Variants in CCDC50 observed in about 807,000 individuals in gnomAD.
The protein encoded by CCDC50 is coiled-coil domain containing 50.
CCDC50 carries 54 observed loss-of-function variants against 70.2 expected under a neutral mutation model. That is an observed-to-expected ratio of 0.77 (90% CI 0.62 to 0.96). CCDC50 has a LOEUF of 0.96. CCDC50 is among the 50% of genes least tolerant of loss of function. CCDC50 has a pLI of 0.00. For missense variants in CCDC50, 558 were observed against 578.7 expected (o/e 0.96, Z 0.37); for synonymous variants, 216 against 198.8 (o/e 1.09, Z -0.73).
At chr3:191,357,721 G>A (rs576902146) in intron 2 of CCDC50, among the ~76,000 whole-genome samples, 3 of 152,286 alleles carry the variant, frequency 2.0e-5, no homozygotes, top group African/African-American at 7.2e-5. Flanking sequence ...AAGAGCATTG[G>A]CCCTGGCTTT....
chr3:191,378,900 T>G (rs578178901), intron 6 of CCDC50, among the ~76,000 whole-genome samples: 14 of 152,242 alleles, frequency 9.2e-5, no homozygotes, highest in Admixed American at 3.9e-4. Flanking sequence ...CTAGTCTGTC[T>G]TTGTAGGAAA....
intron 2 of CCDC50, 145 bp from the exon 3 acceptor site, chr3:191,357,853 C>T (rs1369137062): frequency 6.9e-6 from 7 of 1,013,396 alleles, no homozygotes; most frequent in Non-Finnish European, 1.1e-5. Context: ...ATTCCTTGCT[C>T]TTTATTATAT....
chr3:191,369,362 A>T (rs1368854741), intron 4 of CCDC50, among the ~76,000 whole-genome samples: 4 of 152,060 alleles, frequency 2.6e-5, no homozygotes, highest in Admixed American at 1.3e-4. Context: ...ACATTACGGA[A>T]TGTTATTCAT....
chr3:191,358,808 T>G (rs1440172704), intron 3 of CCDC50, among the ~76,000 whole-genome samples: 2 of 152,192 alleles, frequency 1.3e-5, no homozygotes, highest in African/African-American at 4.8e-5. Flanking sequence ...GTGGGTAGAT[T>G]TAACCACAGA....
chr3:191,346,779 G>A lies in CCDC50; in HGVS notation c.50-10309G>A, dbSNP rs182347271. Among the ~76,000 whole-genome samples, 7 of 152,306 alleles carry A rather than the reference G, an allele frequency of 4.6e-5. No individual in the cohort carries two copies. In the South Asian group the frequency reaches 1.4e-3, roughly 32 times the overall value. On this transcript the variant is annotated intron_variant, in intron 1 of 11. Transcript: ENST00000392455. ...TGTTTTAAAATAAAGGGAGTTTCCG[G>A]TGGCTGAAACATTTAAAAGGAGTCC... is the stretch of plus-strand genomic sequence containing the variant.
At chr3:191,347,817 A>G (rs2108641679) in intron 1 of CCDC50, among the ~76,000 whole-genome samples, 1 of 142,312 alleles carries the variant, frequency 7.0e-6, no homozygotes, top group Middle Eastern at 3.6e-3. Flanking sequence ...AAGCTGGAGG[A>G]TGTGGATGAA....
chr3:191,363,313 C>T (rs1712561660), intron 4 of CCDC50, among the ~76,000 whole-genome samples: 3 of 152,162 alleles, frequency 2.0e-5, no homozygotes, highest in South Asian at 4.1e-4. Flanking sequence ...ATTCAGGTCT[C>T]CTGACTGCTT....
rs566395064 is a variant in CCDC50 at position 191,395,444 on chromosome 3, A to T, written c.*3684A>T. On this transcript the variant is annotated 3_prime_UTR_variant, in exon 12 of 12. Coordinates refer to ENST00000392455, the MANE Select transcript of CCDC50 (RefSeq NM_178335.3). ...AAGTGGTTAACATTTTAAGTCCTAGATTTTTTATGTCTTGCCTTTGTATAA... is the reference window on the plus strand; with the variant it reads ...AAGTGGTTAACATTTTAAGTCCTAGTTTTTTTATGTCTTGCCTTTGTATAA... 1.3e-5 allele frequency: 2 copies of T among 152,142 alleles called. No homozygotes were observed. Among genetic ancestry groups the T allele is most frequent in the African/African-American group, 4.8e-5 (2 of 41,444 alleles). The allele number at this position is 152,142 out of a possible 1,614,324, so 9.4% of individuals were successfully genotyped here.
rs867868289 is a variant in CCDC50, at chr3:191,393,604, C to T, written c.*1844C>T. The T allele has an allele frequency of 5.9e-5, 9 of 152,124 alleles. No individual in the cohort carries two copies. In the South Asian group the frequency reaches 1.9e-3, roughly 32 times the overall value. The allele number at this position is 152,124 out of a possible 1,614,324, so 9.4% of individuals were successfully genotyped here. The stretch of plus-strand genomic sequence containing the variant: ...GTTAATCAGAAAGATAATCTACATC[C>T]CTACTTTATGTAGTCATTTTGGAGA... On this transcript the variant is annotated 3_prime_UTR_variant, in exon 12 of 12. Coordinates refer to ENST00000392455, the MANE Select transcript of CCDC50 (RefSeq NM_178335.3).
intron 1 of CCDC50, among the ~76,000 whole-genome samples, chr3:191,336,149 T>A: frequency 6.6e-6 from 1 of 151,696 alleles, no homozygotes; most frequent in Non-Finnish European, 1.5e-5. Flanking sequence ...TTTTTTTTAA[T>A]GTATGTGTGT....
intron 4 of CCDC50, among the ~76,000 whole-genome samples, chr3:191,368,075 C>A (rs1480781467): frequency 6.6e-6 from 1 of 151,774 alleles, no homozygotes; most frequent in East Asian, 1.9e-4. Context: ...TTGAATAGTT[C>A]AAACTTTCTA....
intron 1 of CCDC50, among the ~76,000 whole-genome samples, chr3:191,339,597 C>T (rs1224798119): frequency 1.3e-5 from 2 of 152,150 alleles, no homozygotes; most frequent in Admixed American, 6.5e-5. Flanking sequence ...ATTTAGAACG[C>T]GTTGCAGATG....
chr3:191,358,253 C>T (rs1712362204), intron 3 of CCDC50, 129 bp downstream of exon 3: 10 of 1,192,836 alleles, frequency 8.4e-6, no homozygotes, highest in Non-Finnish European at 9.5e-6. Context: ...ACAAATCTTA[C>T]CCTGGATGTC....
chr3:191,349,966 A>AACC (rs1712048855), intron 1 of CCDC50, among the ~76,000 whole-genome samples: 7 of 105,616 alleles, frequency 6.6e-5, no homozygotes, highest in Non-Finnish European at 1.5e-4. Context: ...ATTTAATAAT[A>AACC]CCCCCCCCCT....
chr3:191,373,677 T>C (rs140200181), intron 5 of CCDC50, among the ~76,000 whole-genome samples: 2,454 of 151,584 alleles, frequency 0.016, 79 homozygotes, highest in African/African-American at 0.056. Flanking sequence ...TTTGTTTTTA[T>C]CACCGGGTAA....
Position 191,329,601 on chromosome 3 carries a change from G to T in CCDC50, c.-74G>T. Reference sequence around the variant, plus strand: ...GCGCCGCGTCCGGCGCTGCTGCTGCGCTCGGGGCCCCGCTCGGCGCCGGCG... The same window carrying T: ...GCGCCGCGTCCGGCGCTGCTGCTGCTCTCGGGGCCCCGCTCGGCGCCGGCG... On this transcript the variant is annotated 5_prime_UTR_variant, in exon 1 of 12. Coordinates refer to ENST00000392455, the MANE Select transcript of CCDC50 (RefSeq NM_178335.3). The T allele has an allele frequency of 1.3e-6, 2 of 1,512,158 alleles. No homozygotes were observed. Among genetic ancestry groups the T allele is most frequent in the South Asian group, 2.4e-5 (2 of 83,140 alleles). The allele number at this position is 1,512,158 out of a possible 1,614,324, so 93.7% of individuals were successfully genotyped here.
chr3:191,384,289 A>G (rs1398633629), intron 10 of CCDC50, among the ~76,000 whole-genome samples: 7 of 152,120 alleles, frequency 4.6e-5, no homozygotes, highest in Admixed American at 4.6e-4. Context: ...GATTGTATAT[A>G]TGACCAAAAA....
rs1713833776 is a variant in CCDC50, at chr3:191,395,510, G to C, written c.*3750G>C. 1 of 152,116 alleles carries C rather than the reference G, an allele frequency of 6.6e-6. No homozygotes were observed. Among genetic ancestry groups the C allele is most frequent in the Admixed American group, 6.5e-5 (1 of 15,268 alleles). 9.4% of individuals were successfully genotyped at this position (152,116 alleles called of 1,614,324 possible). The stretch of plus-strand genomic sequence containing the variant: ...ATACCAAGATGATTCATTATTCAGT[G>C]ATTATTTTCTTGAAAGATAACTATG... On this transcript the variant is annotated 3_prime_UTR_variant, in exon 12 of 12. Transcript: ENST00000392455.
intron 9 of CCDC50, among the ~76,000 whole-genome samples, chr3:191,381,842 TC>T (rs1713331877): frequency 1.3e-5 from 2 of 152,048 alleles, no homozygotes. Context: ...CCATTGGGTT[TC>T]TGGTCCCACC....
Sources: allele counts gnomAD v4.1 joint callset (sites outside exome capture counted in the v4.1 genomes callset), GRCh38; gene constraint gnomAD v4.1.1; transcripts MANE v1.5; gene names NCBI Gene and HGNC (gene_info 2026-07-23, HGNC 2026-07-21).